The following SEMA5A variants were observed in gnomAD, a reference collection of about 807,000 sequenced individuals.
SEMA5A encodes semaphorin-5A.
Under a neutral mutation model 135.5 loss-of-function variants are expected in SEMA5A, and 55 were observed. The ratio of observed to expected loss-of-function variants is 0.41; its 90% confidence interval spans 0.33 to 0.51. The LOEUF is 0.51. Ranked by LOEUF, SEMA5A falls within the 20% of genes least tolerant of loss-of-function variation. SEMA5A has a pLI of 0.37. For synonymous variants in SEMA5A, 580 were observed against 546.5 expected, an observed-to-expected ratio of 1.06 and a Z score of -0.85; for missense variants, 1,290 against 1,419.9, an observed-to-expected ratio of 0.91 and a Z score of 1.47.
intron 3 of SEMA5A, among the ~76,000 whole-genome samples, chr5:9,342,438 A>G (rs1753692286): frequency 6.6e-6 from 1 of 152,206 alleles, no homozygotes. Flanking sequence ...ACTTCAGTTA[A>G]TTAAGGGGCT....
At chr5:9,143,199 T>C (rs1336916639) in intron 12 of SEMA5A, among the ~76,000 whole-genome samples, 1 of 152,152 alleles carries the variant, frequency 6.6e-6, no homozygotes, top group Non-Finnish European at 1.5e-5. Flanking sequence ...ATGCATACAG[T>C]TGTTATAATT....
intron 1 of SEMA5A, among the ~76,000 whole-genome samples, chr5:9,541,581 G>T (rs3798092): frequency 0.72 from 109,332 of 152,142 alleles, 39,381 homozygotes; most frequent in South Asian, 0.77. Flanking sequence ...AAAACAGAAT[G>T]ATTTTCTTTT....
chr5:9,499,545 C>T (rs1200532627), intron 1 of SEMA5A, among the ~76,000 whole-genome samples: 4 of 152,164 alleles, frequency 2.6e-5, no homozygotes, highest in African/African-American at 9.7e-5. Context: ...GTCAAAGTAA[C>T]ATTATCAGTC....
In SEMA5A at chr5:9,054,115, CTCT is replaced by C; in HGVS notation, c.2658_2660del (p.Glu887del). ...GGCAGGGCTGCGTGTTGCAGAGTGCCTCTTCTGTGTGCAGCCCCAGGCAGATGT... is the reference window on the plus strand; with the variant it reads ...GGCAGGGCTGCGTGTTGCAGAGTGCCTCTGTGTGCAGCCCCAGGCAGATGT... On this transcript the variant is annotated inframe_deletion, in exon 19 of 23. Coordinates refer to ENST00000382496, the MANE Select transcript of SEMA5A (RefSeq NM_003966.3). 6.2e-7 allele frequency: 1 copy of C among 1,612,698 alleles called. No homozygotes were observed. The highest frequency in any genetic ancestry group is 8.5e-7 in the Non-Finnish European group (1 of 1,179,534).
chr5:9,512,693 G>A (rs942029037), intron 1 of SEMA5A, among the ~76,000 whole-genome samples: 1 of 152,158 alleles, frequency 6.6e-6, no homozygotes, highest in Non-Finnish European at 1.5e-5. Flanking sequence ...CAGAGGCTCT[G>A]TTATGCATCC....
chr5:9,509,770 T>C (rs1736106100), intron 1 of SEMA5A, among the ~76,000 whole-genome samples: 1 of 152,178 alleles, frequency 6.6e-6, no homozygotes, highest in Non-Finnish European at 1.5e-5. Flanking sequence ...TCTCACTAGA[T>C]AGTTTTTCTC....
chr5:9,374,505 A>G (rs1490552143), intron 3 of SEMA5A, among the ~76,000 whole-genome samples: 1 of 151,912 alleles, frequency 6.6e-6, no homozygotes, highest in Admixed American at 6.6e-5. Context: ...ACTTTCTCAA[A>G]GTTTCTTGGA....
At chr5:9,347,668 G>T (rs1753936266) in intron 3 of SEMA5A, among the ~76,000 whole-genome samples, 1 of 152,142 alleles carries the variant, frequency 6.6e-6, no homozygotes, top group Non-Finnish European at 1.5e-5. Context: ...CACTGTTTCA[G>T]TGAGGGCAGG....
At chr5:9,064,490 G>A (rs1203632833) in intron 17 of SEMA5A, among the ~76,000 whole-genome samples, 2 of 152,162 alleles carry the variant, frequency 1.3e-5, no homozygotes, top group Non-Finnish European at 2.9e-5. Flanking sequence ...CATGTCCTTT[G>A]CAAGGACATG....
chr5:9,507,167 A>G (rs1735933476), intron 1 of SEMA5A, among the ~76,000 whole-genome samples: 3 of 152,194 alleles, frequency 2.0e-5, no homozygotes, highest in Non-Finnish European at 4.4e-5. Context: ...ATAAAGAAGC[A>G]CCTGAGTCGA....
chr5:9,531,138 C>T (rs1236474414), intron 1 of SEMA5A, among the ~76,000 whole-genome samples: 1 of 152,152 alleles, frequency 6.6e-6, no homozygotes, highest in Admixed American at 6.5e-5. Flanking sequence ...TGTGAGACCT[C>T]GAGCACATCA....
chr5:9,272,281 C>T lies in SEMA5A; in HGVS notation c.271-34391G>A, dbSNP rs535006860. Among the ~76,000 whole-genome samples, 162 of 152,194 alleles carry T rather than the reference C, an allele frequency of 1.1e-3. 2 individuals carry two copies. Among genetic ancestry groups the T allele is most frequent in the African/African-American group, 3.8e-3 (159 of 41,538 alleles). ...GTTCGAACTGAGTGGAGCCCACCAC[C>T]GCAGCTCAGCAAGGCCACTGAAGCC... On this transcript the variant is annotated intron_variant, in intron 5 of 22. Transcript: ENST00000382496.
chr5:9,349,151 G>T (rs907363533), intron 3 of SEMA5A, among the ~76,000 whole-genome samples: 1 of 152,174 alleles, frequency 6.6e-6, no homozygotes, highest in African/African-American at 2.4e-5. Flanking sequence ...TTGAAGAGAG[G>T]TCTAATAAGT....
chr5:9,312,314 G>T (rs1460173817), intron 5 of SEMA5A, among the ~76,000 whole-genome samples: 1 of 145,724 alleles, frequency 6.9e-6, no homozygotes, highest in African/African-American at 2.5e-5. Context: ...TTCAATAGGG[G>T]ATGGCTAAAC....
At chr5:9,268,168 T>A (rs529026198) in intron 5 of SEMA5A, among the ~76,000 whole-genome samples, 2 of 152,304 alleles carry the variant, frequency 1.3e-5, no homozygotes, top group Admixed American at 1.3e-4. Context: ...TTATTTGCCC[T>A]TGAAAATTTT....
At chr5:9,498,513 T>C (rs1449339976) in intron 1 of SEMA5A, 2 of 152,202 alleles carry the variant, frequency 1.3e-5, no homozygotes, top group African/African-American at 4.8e-5. Context: ...TCCTTCAGCT[T>C]GCTCAGACTA....
At chr5:9,197,728 T>TTGTG (rs70943946) in intron 9 of SEMA5A, among the ~76,000 whole-genome samples, 64 of 59,294 alleles carry the variant, frequency 1.1e-3, no homozygotes, top group African/African-American at 4.6e-3. Flanking sequence ...GGAAAGCTGT[T>TTGTG]TGTGTGTGTG....
intron 1 of SEMA5A, among the ~76,000 whole-genome samples, chr5:9,479,443 G>A (rs527460127): frequency 2.1e-4 from 32 of 152,130 alleles, no homozygotes; most frequent in African/African-American, 6.5e-4. Context: ...AAGCGATGGC[G>A]GGATAGTGGG....
intron 1 of SEMA5A, among the ~76,000 whole-genome samples, chr5:9,515,243 A>G (rs962773902): frequency 6.6e-6 from 1 of 152,196 alleles, no homozygotes; most frequent in Non-Finnish European, 1.5e-5. Flanking sequence ...TCCACCATAT[A>G]TCACTAGGCT....
Sources: gnomAD v4.1 joint callset for allele counts (sites outside exome capture counted in the v4.1 genomes callset) on GRCh38, gnomAD v4.1.1 for gene constraint, MANE v1.5 for transcripts, NCBI Gene and HGNC (gene_info 2026-07-23, HGNC 2026-07-21) for gene names.